The following SMARCAD1 variants were observed in gnomAD, a reference collection of about 807,000 sequenced individuals.
The protein encoded by SMARCAD1 is SWI/SNF-related matrix-associated actin-dependent regulator of chromatin subfamily A containing DEAD/H box 1.
SMARCAD1 carries 25 observed loss-of-function variants against 127.1 expected under a neutral mutation model. The ratio of observed to expected loss-of-function variants is 0.20; its 90% CI spans 0.14 to 0.27. The LOEUF (loss-of-function observed/expected upper bound fraction) is 0.27, where lower values mean the gene tolerates loss of function less well. SMARCAD1 is among the 10% of genes least tolerant of loss of function. The pLI, the probability that SMARCAD1 is intolerant of heterozygous loss-of-function variation, is 1.00. For missense variants in SMARCAD1, 807 were observed against 1,206.0 expected (o/e 0.67, Z 4.90); for synonymous variants, 400 against 396.9 (o/e 1.01, Z -0.09).
chr4:94,226,261 A>G lies in SMARCAD1; in HGVS notation c.333A>G (p.Gln111=), dbSNP rs1171461296. ...CCCCAAATTGCTCCAATACAGTTCA[A>G]GAGAAAACATTCAACAAAGATACAG... ...VVSPNCSNTV[Q]EKTFNKDTVI... is the part of the protein sequence containing the mutation. The change falls in exon 3 of 24, where the codon CAA becomes CAG. Residue 111 remains glutamine (Q), a synonymous_variant. Coordinates refer to ENST00000354268, the MANE Select transcript of SMARCAD1 (RefSeq NM_020159.5). 4 of 1,613,142 alleles carry G rather than the reference A, an allele frequency of 2.5e-6. No homozygotes were observed. The highest frequency in any genetic ancestry group is 1.3e-5 in the African/African-American group (1 of 74,898).
At chr4:94,211,762 T>C (rs1742300405) in intron 2 of SMARCAD1, among the ~76,000 whole-genome samples, 1 of 152,218 alleles carries the variant, frequency 6.6e-6, no homozygotes, top group African/African-American at 2.4e-5. Context: ...CTTTTTTGCC[T>C]GGAAGACTCT....
intron 19 of SMARCAD1, among the ~76,000 whole-genome samples, chr4:94,280,170 A>C (rs2125997043): frequency 6.6e-6 from 1 of 152,126 alleles, no homozygotes; most frequent in East Asian, 1.9e-4. Flanking sequence ...TGACCAACCC[A>C]TTTCTTTTTA....
chr4:94,272,798 C>A (rs966758772), intron 11 of SMARCAD1, among the ~76,000 whole-genome samples: 4 of 151,388 alleles, frequency 2.6e-5, no homozygotes, highest in African/African-American at 9.7e-5. Flanking sequence ...CTTTTCTTTT[C>A]TTTTTTCTTT....
intron 6 of SMARCAD1, among the ~76,000 whole-genome samples, chr4:94,248,730 T>C (rs903285726): frequency 6.6e-6 from 1 of 152,246 alleles, no homozygotes; most frequent in African/African-American, 2.4e-5. Flanking sequence ...TTTTCTTCTT[T>C]AGTCCAGATA....
At chr4:94,247,575 A>G (rs965157288) in intron 6 of SMARCAD1, among the ~76,000 whole-genome samples, 2 of 152,218 alleles carry the variant, frequency 1.3e-5, no homozygotes, top group African/African-American at 4.8e-5. Flanking sequence ...TGAACTATTT[A>G]ATGCTATTTA....
chr4:94,279,925 C>T (rs1187204385), intron 19 of SMARCAD1, among the ~76,000 whole-genome samples: 2 of 151,962 alleles, frequency 1.3e-5, no homozygotes, highest in African/African-American at 4.8e-5. Flanking sequence ...AGTGCGATGG[C>T]ATGATCTCTG....
At chr4:94,222,569 A>G (rs1744313135) in intron 2 of SMARCAD1, among the ~76,000 whole-genome samples, 1 of 152,136 alleles carries the variant, frequency 6.6e-6, no homozygotes, top group Non-Finnish European at 1.5e-5. Context: ...CATATCTGAT[A>G]AGTGCTAAGT....
intron 11 of SMARCAD1, 37 bp from the exon 12 acceptor site, chr4:94,273,579 GT>G: frequency 7.0e-7 from 1 of 1,431,114 alleles, no homozygotes; most frequent in Non-Finnish European, 9.8e-7. Context: ...TTTTTTGTTT[GT>G]TTTAAAATGT....
chr4:94,212,483 A>G (rs1246746202), intron 2 of SMARCAD1, among the ~76,000 whole-genome samples: 1 of 149,862 alleles, frequency 6.7e-6, no homozygotes, highest in African/African-American at 2.5e-5. Context: ...CCCTATACAT[A>G]TTTATTTATT....
At chr4:94,239,009 A>T (rs1464475304) in intron 5 of SMARCAD1, among the ~76,000 whole-genome samples, 1 of 152,138 alleles carries the variant, frequency 6.6e-6, no homozygotes, top group African/African-American at 2.4e-5. Context: ...TTCTTATTCC[A>T]TTGTACTTCA....
chr4:94,246,074 C>T (rs1461985148), intron 6 of SMARCAD1, among the ~76,000 whole-genome samples: 1 of 151,642 alleles, frequency 6.6e-6, no homozygotes, highest in Non-Finnish European at 1.5e-5. Flanking sequence ...GGACCTGGTA[C>T]AGAGCCGTCT....
intron 9 of SMARCAD1, among the ~76,000 whole-genome samples, chr4:94,258,363 C>A (rs115144771): frequency 2.0e-5 from 3 of 152,000 alleles, no homozygotes; most frequent in Admixed American, 6.6e-5. Context: ...TGATGTTGGC[C>A]GGGCTGGTCT....
At chr4:94,233,524 C>G (rs752868141) in intron 3 of SMARCAD1, among the ~76,000 whole-genome samples, 1 of 152,112 alleles carries the variant, frequency 6.6e-6, no homozygotes, top group Non-Finnish European at 1.5e-5. Flanking sequence ...CAGTTAGATC[C>G]TGATCACACC....
rs761663278 is a variant in SMARCAD1 at position 94,290,229 on chromosome 4, T to A, written c.*695T>A. The A allele has an allele frequency of 1.1e-5, 5 of 454,546 alleles. No individual in the cohort carries two copies. The highest frequency in any genetic ancestry group is 7.8e-5 in the South Asian group (5 of 64,472). The allele number at this position is 454,546 out of a possible 1,614,324, so 28.2% of individuals were successfully genotyped here. A position where few individuals can be genotyped will look rare whatever the true frequency, so the allele number is the denominator to read the frequency against. On this transcript the variant is annotated 3_prime_UTR_variant, in exon 24 of 24. Coordinates refer to ENST00000354268, the MANE Select transcript of SMARCAD1 (RefSeq NM_020159.5). ...TGCTCCATGGATTAATTCCTTCTGT[T>A]CATTTTCCAACTGCACTAATTGTGC... is the stretch of plus-strand genomic sequence containing the variant.
At chr4:94,274,292 A>G (rs1752953657) in intron 12 of SMARCAD1, among the ~76,000 whole-genome samples, 1 of 152,148 alleles carries the variant, frequency 6.6e-6, no homozygotes, top group African/African-American at 2.4e-5. Flanking sequence ...TCTGTGATAA[A>G]AACAATCGCC....
Position 94,274,904 on chromosome 4 carries a change from C to T in SMARCAD1, c.1747C>T (p.Arg583Cys). Residue 583 changes from arginine (R) to cysteine (C), a missense_variant, in exon 14 of 24, where the codon CGT (arginine) becomes TGT (cysteine). Arg to Cys is a radical substitution (Grantham distance 180). Around this residue, in one of 8 missense-constraint regions of SMARCAD1, gnomAD observed 148 missense variants for 313.2 expected, o/e 0.47. Coordinates refer to ENST00000354268, the MANE Select transcript of SMARCAD1 (RefSeq NM_020159.5). ...VLCYYGSQEERKQIRFNIHSR... is the reference protein window; with the variant it reads ...VLCYYGSQEECKQIRFNIHSR... ...TTAAATTCTAGGTTCTCAAGAAGAA[C>T]GTAAACAAATTAGATTTAACATTCA... 6.2e-7 allele frequency: 1 copy of T among 1,601,810 alleles called. No homozygotes were observed. Among genetic ancestry groups the T allele is most frequent in the Non-Finnish European group, 8.6e-7 (1 of 1,169,368 alleles).
chr4:94,268,384 C>T lies in SMARCAD1; in HGVS notation c.1482-2344C>T, dbSNP rs1052638106. On this transcript the variant is annotated intron_variant, in intron 10 of 23. Transcript: ENST00000354268. The stretch of plus-strand genomic sequence containing the variant: ...TAATTTTTGTTTATTAAGAATATTT[C>T]GTGGCTATTTGTGATAGGTTGTATG... Among the ~76,000 whole-genome samples, 14 of 152,062 alleles carry T rather than the reference C, an allele frequency of 9.2e-5. No homozygotes were observed. In the East Asian group the frequency reaches 1.4e-3, roughly 15 times the overall value.
At chr4:94,237,060 C>G in intron 5 of SMARCAD1, 42 bp downstream of exon 5, 1 of 1,452,632 alleles carries the variant, frequency 6.9e-7, no homozygotes, top group Non-Finnish European at 9.7e-7. Context: ...TTTATTGTTA[C>G]GTCATAATAA....
At position 94,249,655 on chromosome 4, in the gene SMARCAD1, G is replaced by C. The variant is rs753559198; in HGVS notation, c.707G>C (p.Gly236Ala). 1.9e-6 allele frequency: 3 copies of C among 1,539,108 alleles called. No individual in the cohort carries two copies. In the South Asian group the frequency reaches 3.4e-5, roughly 17 times the overall value. Residue 236 changes from glycine (G) to alanine (A), a missense_variant and splice_region_variant, in exon 7 of 24, where the codon GGA becomes GCA. Transcript: ENST00000354268. ...TTCTTTTTTTTTTCTCCCCATTAGGGAGAGGAATCAAATGAGTCTGCAGAA... is the reference window on the plus strand; with the variant it reads ...TTCTTTTTTTTTTCTCCCCATTAGGCAGAGGAATCAAATGAGTCTGCAGAA... The part of the protein sequence containing the change: ...QSIKKTRLDH[G>A]EESNESAESS...
Sources: allele counts gnomAD v4.1 joint callset (sites outside exome capture counted in the v4.1 genomes callset), GRCh38; gene constraint gnomAD v4.1.1; regional missense constraint gnomAD v4.1.1; transcripts MANE v1.5; gene names NCBI Gene and HGNC (gene_info 2026-07-23, HGNC 2026-07-21).